The following RAVER1 variants were observed in gnomAD, a reference collection of about 807,000 sequenced individuals.
The protein encoded by RAVER1 is ribonucleoprotein, PTB binding 1, also known as ribonucleoprotein PTB-binding 1.
Under a neutral mutation model 68.4 loss-of-function variants are expected in RAVER1, and 36 were observed. The observed-to-expected ratio is 0.53, with a 90% CI of 0.40 to 0.70. RAVER1 has a LOEUF of 0.70. Ranked by LOEUF, RAVER1 falls within the 30% of genes least tolerant of loss-of-function variation. The probability of loss-of-function intolerance (pLI) is 0.00; values close to 1 mark genes in which losing one functional copy is unlikely to be tolerated. For missense variants in RAVER1, 933 were observed against 1,019.8 expected (o/e 0.91, Z 1.16); for synonymous variants, 469 against 472.7 (o/e 0.99, Z 0.10).
In RAVER1 at chr19:10,322,429, G is replaced by C; in HGVS notation, c.1173+216C>G. ...GGCACCAAGTCCAGGGGCGCTCTCA[G>C]AATGGAGGGAAAGATGGCGAACCAT... On this transcript the variant is annotated intron_variant, in intron 6 of 12. Coordinates refer to ENST00000617231, the MANE Select transcript of RAVER1 (RefSeq NM_133452.3). The surrounding 1 kb of genome is among the most constrained non-coding windows in gnomAD (Gnocchi z 4.3). 2.0e-6 allele frequency: 1 copy of C among 509,982 alleles called. No individual in the cohort carries two copies. Among genetic ancestry groups the C allele is most frequent in the South Asian group, 2.9e-5 (1 of 34,742 alleles). 31.6% of individuals were successfully genotyped at this position (509,982 alleles called of 1,614,324 possible).
intron 3 of RAVER1, among the ~76,000 whole-genome samples, chr19:10,327,757 G>C (rs1377799695): frequency 6.6e-6 from 1 of 152,208 alleles, no homozygotes; most frequent in African/African-American, 2.4e-5. Context: ...TGAAGCAACT[G>C]AAGGTTACGT....
chr19:10,316,468 G>C lies in RAVER1; in HGVS notation c.*986C>G. 1.0e-6 allele frequency: 1 copy of C among 996,222 alleles called. No individual in the cohort carries two copies. The highest frequency in any genetic ancestry group is 5.1e-4 in the Middle Eastern group (1 of 1,952). The allele number at this position is 996,222 out of a possible 1,614,324, so 61.7% of individuals were successfully genotyped here. A position where few individuals can be genotyped will look rare whatever the true frequency, so the allele number is the denominator to read the frequency against. ...CTGGGCTGGAAGGAGGCCAGCTCCAGGGATCTGGCCGGGGGTGGGCAGGCA... is the reference window on the plus strand; with the variant it reads ...CTGGGCTGGAAGGAGGCCAGCTCCACGGATCTGGCCGGGGGTGGGCAGGCA... On this transcript the variant is annotated 3_prime_UTR_variant, in exon 13 of 13. Coordinates refer to ENST00000617231, the MANE Select transcript of RAVER1 (RefSeq NM_133452.3).
intron 1 of RAVER1, among the ~76,000 whole-genome samples, chr19:10,331,381 A>T (rs1568314153): frequency 8.1e-6 from 1 of 123,008 alleles, no homozygotes; most frequent in Non-Finnish European, 1.7e-5. Context: ...AAAAAAAAAA[A>T]AATAACAACA....
rs768291536 is a variant in RAVER1, at chr19:10,323,412, C to T, written c.911G>A (p.Arg304His). 6.9e-6 allele frequency: 11 copies of T among 1,605,068 alleles called. No individual in the cohort carries two copies. The highest frequency in any genetic ancestry group is 2.2e-5 in the East Asian group (1 of 44,584). The change falls in exon 4 of 13, where the codon CGC becomes CAC. Residue 304 changes from arginine (R) to histidine (H), a missense_variant. Coordinates refer to ENST00000617231, the MANE Select transcript of RAVER1 (RefSeq NM_133452.3). This position sits in a 1 kb window ranked among gnomAD's most constrained non-coding sequence, Gnocchi z 6.2. ...AGCGATGAGAGCGGCCAGCATACTG[C>T]GGCCGGGGGGCCCAGGGGCGCAGAA... is the stretch of plus-strand genomic sequence containing the variant. Reference protein sequence around the residue: ...VSFCAPGPPGRSMLAALIAAQ... With the variant: ...VSFCAPGPPGHSMLAALIAAQ...
At position 10,329,503 on chromosome 19, in the gene RAVER1, T is replaced by C. The variant is rs2040498843; in HGVS notation, c.287-392A>G. Among the ~76,000 whole-genome samples, 1 of 152,082 alleles carries C rather than the reference T, an allele frequency of 6.6e-6. No individual in the cohort carries two copies. Among genetic ancestry groups the C allele is most frequent in the Non-Finnish European group, 1.5e-5 (1 of 68,008 alleles). ...TCAGTTTCCTCATCTCTCAAATGGA[T>C]ATAACTTAATCATCACAATCACCAT... On this transcript the variant is annotated intron_variant, in intron 2 of 12. Transcript: ENST00000617231. The surrounding 1 kb of genome is among the most constrained non-coding windows in gnomAD (Gnocchi z 4.6).
At chr19:10,327,238 T>C (rs530769565) in intron 3 of RAVER1, among the ~76,000 whole-genome samples, 4 of 152,162 alleles carry the variant, frequency 2.6e-5, no homozygotes, top group South Asian at 2.1e-4. Context: ...CCCACAGAGC[T>C]GGGGGTCCGA....
chr19:10,333,008 C>T lies in RAVER1; in HGVS notation c.219+281G>A, dbSNP rs1043188643. Reference sequence around the variant, plus strand: ...TCACAATTCCCCAACAGGACCAAAGCTGTCCGCCCCCTTCCATTCCCCGCC... The same window carrying T: ...TCACAATTCCCCAACAGGACCAAAGTTGTCCGCCCCCTTCCATTCCCCGCC... On this transcript the variant is annotated intron_variant, in intron 1 of 12. Transcript: ENST00000617231. The surrounding 1 kb of genome is among the most constrained non-coding windows in gnomAD (Gnocchi z 4.2). Among the ~76,000 whole-genome samples, 3 of 152,216 alleles carry T rather than the reference C, an allele frequency of 2.0e-5. No individual in the cohort carries two copies. Among genetic ancestry groups the T allele is most frequent in the African/African-American group, 7.2e-5 (3 of 41,464 alleles).
chr19:10,325,905 A>G (rs1000406097), intron 3 of RAVER1, among the ~76,000 whole-genome samples: 13 of 152,158 alleles, frequency 8.5e-5, no homozygotes, highest in Non-Finnish European at 1.9e-4. Flanking sequence ...ATGTGGAAAC[A>G]GGCTAGGAGA....
chr19:10,329,214 C>T lies in RAVER1; in HGVS notation c.287-103G>A. ...GGTGGGACCTCCAAATGCTGGGCAT[C>T]TCAGGTGCCTGCTGATCTGAGCAGT... On this transcript the variant is annotated intron_variant, in intron 2 of 12. Coordinates refer to ENST00000617231, the MANE Select transcript of RAVER1 (RefSeq NM_133452.3). The surrounding 1 kb of genome is among the most constrained non-coding windows in gnomAD (Gnocchi z 4.6). 1.4e-6 allele frequency: 1 copy of T among 725,574 alleles called. No homozygotes were observed. Among genetic ancestry groups the T allele is most frequent in the South Asian group, 1.9e-5 (1 of 51,350 alleles). 44.9% of individuals were successfully genotyped at this position (725,574 alleles called of 1,614,324 possible).
At chr19:10,327,989 G>A (rs1197349504) in intron 3 of RAVER1, among the ~76,000 whole-genome samples, 1 of 147,620 alleles carries the variant, frequency 6.8e-6, no homozygotes, top group Non-Finnish European at 1.5e-5. Flanking sequence ...TGCTTATGGA[G>A]GAGGGAAACT....
In RAVER1 at chr19:10,316,995, C is replaced by T; in HGVS notation, c.*459G>A. On this transcript the variant is annotated 3_prime_UTR_variant, in exon 13 of 13. Transcript: ENST00000617231. ...TGAAGGAATCAGAGCTGGGGGCTGTCCGGGGTGGTTTGAAAAATAAAACTT... is the reference window on the plus strand; with the variant it reads ...TGAAGGAATCAGAGCTGGGGGCTGTTCGGGGTGGTTTGAAAAATAAAACTT... 4.6e-6 allele frequency: 1 copy of T among 218,226 alleles called. No individual in the cohort carries two copies. The highest frequency in any genetic ancestry group is 5.9e-5 in the South Asian group (1 of 17,038). The allele number at this position is 218,226 out of a possible 1,614,324, so 13.5% of individuals were successfully genotyped here. A position where few individuals can be genotyped will look rare whatever the true frequency, so the allele number is the denominator to read the frequency against.
rs1568310749 is a variant in RAVER1, at chr19:10,320,935, TC to T, written c.1489del (p.Glu497SerfsTer10). 1.3e-6 allele frequency: 2 copies of T among 1,490,352 alleles called. No homozygotes were observed. Among genetic ancestry groups the T allele is most frequent in the Admixed American group, 2.5e-5 (1 of 39,694 alleles). 92.3% of individuals were successfully genotyped at this position (1,490,352 alleles called of 1,614,324 possible). A position where few individuals can be genotyped will look rare whatever the true frequency, so the allele number is the denominator to read the frequency against. Reference sequence around the variant, plus strand: ...GGGAATCCGGTAGTCCTTGGGGGGCTCCCCCAGCAGTGAGACCTGTGGCGGG... The same window carrying T: ...GGGAATCCGGTAGTCCTTGGGGGGCTCCCCAGCAGTGAGACCTGTGGCGGG... ...PTPPGVSLLG[E>X]PPKDYRIPLN... On this transcript the variant is annotated frameshift_variant, in exon 9 of 13. Coordinates refer to ENST00000617231, the MANE Select transcript of RAVER1 (RefSeq NM_133452.3). LOFTEE classifies it high-confidence loss of function.
At chr19:10,319,578 C>G (rs1490267878) in intron 9 of RAVER1, among the ~76,000 whole-genome samples, 1 of 151,520 alleles carries the variant, frequency 6.6e-6, no homozygotes, top group African/African-American at 2.4e-5. Context: ...GGCCAGTTTG[C>G]AATTTCTTTC....
chr19:10,326,521 C>T (rs1012914004), intron 3 of RAVER1, among the ~76,000 whole-genome samples: 3 of 152,280 alleles, frequency 2.0e-5, no homozygotes, highest in East Asian at 3.9e-4. Flanking sequence ...CTCCACTAAC[C>T]GCAACCGCAG....
chr19:10,323,573 G>A lies in RAVER1; in HGVS notation c.757-7C>T. Reference sequence around the variant, plus strand: ...CATCCTGGCCGCACGCCAGCTGCCGGAGGAAGGCAGGCAGTCATGAGCATC... The same window carrying A: ...CATCCTGGCCGCACGCCAGCTGCCGAAGGAAGGCAGGCAGTCATGAGCATC... On this transcript the variant is annotated splice_polypyrimidine_tract_variant and splice_region_variant and intron_variant, in intron 3 of 12. Transcript: ENST00000617231. This position sits in a 1 kb window ranked among gnomAD's most constrained non-coding sequence, Gnocchi z 6.2. 2 of 1,573,246 alleles carry A rather than the reference G, an allele frequency of 1.3e-6. No homozygotes were observed. Among genetic ancestry groups the A allele is most frequent in the East Asian group, 2.3e-5 (1 of 44,354 alleles).
At position 10,317,841 on chromosome 19, in the gene RAVER1, CT is replaced by C; in HGVS notation, c.1990-69del. 3 of 884,434 alleles carry C rather than the reference CT, an allele frequency of 3.4e-6. No individual in the cohort carries two copies. Among genetic ancestry groups the C allele is most frequent in the Non-Finnish European group, 5.5e-6 (3 of 543,472 alleles). The allele number at this position is 884,434 out of a possible 1,614,324, so 54.8% of individuals were successfully genotyped here. ...CAGAGGAAGCACCCACCCCGCCCCC[CT>C]GCCACTGCCCCCCAGCCCTGAGGGA... is the stretch of plus-strand genomic sequence containing the variant. On this transcript the variant is annotated intron_variant, in intron 11 of 12. Transcript: ENST00000617231. The surrounding 1 kb of genome is among the most constrained non-coding windows in gnomAD (Gnocchi z 4.3).
In RAVER1 at chr19:10,329,828, G is replaced by A. The variant is rs1188568643; in HGVS notation, c.286+632C>T. ...CGCTGACCTCCCCTCCCATCTCACC[G>A]CTGCCACCCGGACCACGCCAGGCAC... is the stretch of plus-strand genomic sequence containing the variant. On this transcript the variant is annotated intron_variant, in intron 2 of 12. Transcript: ENST00000617231. The surrounding 1 kb of genome is among the most constrained non-coding windows in gnomAD (Gnocchi z 4.6). 1.3e-5 allele frequency among the ~76,000 whole-genome samples: 2 copies of A among 152,114 alleles called. No homozygotes were observed. The highest frequency in any genetic ancestry group is 2.1e-4 in the South Asian group (1 of 4,812).
rs1332293751 is a variant in RAVER1 at position 10,323,418 on chromosome 19, G to A, written c.905C>T (p.Pro302Leu). 1.9e-6 allele frequency: 3 copies of A among 1,606,908 alleles called. No homozygotes were observed. The East Asian group carries it at 6.7e-5, about 36-fold the overall frequency. ...LRVSFCAPGP[P>L]GRSMLAALIA... ...GAGAGCGGCCAGCATACTGCGGCCG[G>A]GGGGCCCAGGGGCGCAGAAGGAGAC... is the stretch of plus-strand genomic sequence containing the variant. Residue 302 changes from proline (P) to leucine (L), a missense_variant, in exon 4 of 13, where the codon CCC (proline) becomes CTC (leucine). Pro to Leu is a moderately conservative substitution (Grantham distance 98). Around this residue, in one of 3 missense-constraint regions of RAVER1, gnomAD observed 699 missense variants for 731.1 expected, o/e 0.96. Coordinates refer to ENST00000617231, the MANE Select transcript of RAVER1 (RefSeq NM_133452.3). This position sits in a 1 kb window ranked among gnomAD's most constrained non-coding sequence, Gnocchi z 6.2.
chr19:10,323,129 T>TC lies in RAVER1; in HGVS notation c.1078+15dup. 1.3e-6 allele frequency: 2 copies of TC among 1,564,256 alleles called. No individual in the cohort carries two copies. Among genetic ancestry groups the TC allele is most frequent in the South Asian group, 2.3e-5 (2 of 85,704 alleles). On this transcript the variant is annotated intron_variant, in intron 5 of 12. Coordinates refer to ENST00000617231, the MANE Select transcript of RAVER1 (RefSeq NM_133452.3). The surrounding 1 kb of genome is among the most constrained non-coding windows in gnomAD (Gnocchi z 6.2). ...CCTGTTCTGCACAGTGGGGCCCCTGTCCAGCCCCACCTTACCCTGCTTCCC... is the reference window on the plus strand; with the variant it reads ...CCTGTTCTGCACAGTGGGGCCCCTGTCCCAGCCCCACCTTACCCTGCTTCCC...
Sources: gnomAD v4.1 joint callset for allele counts (sites outside exome capture counted in the v4.1 genomes callset) on GRCh38, gnomAD v4.1.1 for gene constraint, gnomAD v4.1.1 regional missense constraint, Gnocchi (gnomAD v3.1) non-coding constraint, MANE v1.5 for transcripts, NCBI Gene and HGNC (gene_info 2026-07-23, HGNC 2026-07-21) for gene names.